The following ST8SIA1 variants were observed in gnomAD, a reference collection of about 807,000 sequenced individuals.
The protein encoded by ST8SIA1 is ST8 alpha-N-acetyl-neuraminide alpha-2,8-sialyltransferase 1.
Under a neutral mutation model 35.9 loss-of-function variants are expected in ST8SIA1, and 16 were observed. That is an observed-to-expected ratio of 0.45 (90% CI 0.30 to 0.68). ST8SIA1 has a LOEUF of 0.68. Ranked by LOEUF, ST8SIA1 falls within the 30% of genes least tolerant of loss-of-function variation. ST8SIA1 has a pLI of 0.09. For synonymous variants in ST8SIA1, 170 were observed against 169.6 expected (o/e 1.00, Z -0.02); for missense variants, 383 against 453.6 (o/e 0.84, Z 1.41).
chr12:22,200,414 G>A lies in ST8SIA1; in HGVS notation c.*1138C>T, dbSNP rs1047697078. 5 of 152,164 alleles carry A rather than the reference G, an allele frequency of 3.3e-5. No individual in the cohort carries two copies. Among genetic ancestry groups the A allele is most frequent in the African/African-American group, 1.2e-4 (5 of 41,446 alleles). The allele number at this position is 152,164 out of a possible 1,614,324, so 9.4% of individuals were successfully genotyped here. A position where few individuals can be genotyped will look rare whatever the true frequency, so the allele number is the denominator to read the frequency against. ...TTTGTTTAACTTTGTGTGTGTGTAT[G>A]TGTGTCTACATGTATGCATACATGT... On this transcript the variant is annotated 3_prime_UTR_variant, in exon 5 of 5. Transcript: ENST00000396037.
chr12:22,260,505 T>C (rs1865777372), intron 2 of ST8SIA1, among the ~76,000 whole-genome samples: 1 of 152,182 alleles, frequency 6.6e-6, no homozygotes, highest in South Asian at 2.1e-4. Context: ...CTACGGATCT[T>C]TGTCCAGAGT....
intron 1 of ST8SIA1, among the ~76,000 whole-genome samples, chr12:22,289,907 C>T (rs1214199923): frequency 6.6e-6 from 1 of 152,218 alleles, no homozygotes; most frequent in African/African-American, 2.4e-5. Flanking sequence ...GACAGTGAAA[C>T]TGACGCTGAG....
At chr12:22,315,013 T>G (rs1282696783) in intron 1 of ST8SIA1, among the ~76,000 whole-genome samples, 1 of 152,136 alleles carries the variant, frequency 6.6e-6, no homozygotes, top group Middle Eastern at 3.2e-3. Context: ...GCATGACTGT[T>G]TCTCTGCCAA....
chr12:22,248,672 C>T (rs553142024), intron 4 of ST8SIA1, among the ~76,000 whole-genome samples: 1 of 152,114 alleles, frequency 6.6e-6, no homozygotes, highest in Non-Finnish European at 1.5e-5. Context: ...TTCACAGTTG[C>T]CAATCAATAA....
At chr12:22,328,512 G>C (rs765552091) in intron 1 of ST8SIA1, among the ~76,000 whole-genome samples, 2 of 152,076 alleles carry the variant, frequency 1.3e-5, no homozygotes, top group Non-Finnish European at 2.9e-5. Flanking sequence ...TTTATTTTCT[G>C]TCTCTCATCA....
At chr12:22,253,769 T>A (rs777094918) in intron 3 of ST8SIA1, among the ~76,000 whole-genome samples, 1 of 152,130 alleles carries the variant, frequency 6.6e-6, no homozygotes, top group Non-Finnish European at 1.5e-5. Flanking sequence ...GGAAAAACTA[T>A]GCTGAGGGTA....
chr12:22,317,902 C>A (rs1359442129), intron 1 of ST8SIA1, among the ~76,000 whole-genome samples: 1 of 152,136 alleles, frequency 6.6e-6, no homozygotes, highest in East Asian at 1.9e-4. Flanking sequence ...GTAGACACAG[C>A]TGTAAAAATT....
intron 1 of ST8SIA1, among the ~76,000 whole-genome samples, chr12:22,294,435 A>C (rs981013546): frequency 9.9e-5 from 15 of 152,210 alleles, no homozygotes; most frequent in African/African-American, 3.6e-4. Flanking sequence ...AATTGTATGA[A>C]GGAGAAGTAC....
intron 1 of ST8SIA1, among the ~76,000 whole-genome samples, chr12:22,291,351 G>GAT (rs1866173860): frequency 6.6e-6 from 1 of 152,184 alleles, no homozygotes; most frequent in South Asian, 2.1e-4. Flanking sequence ...TCCAATGACT[G>GAT]ATACTTTTGT....
At chr12:22,248,120 T>C (rs563376153) in intron 4 of ST8SIA1, among the ~76,000 whole-genome samples, 2 of 152,328 alleles carry the variant, frequency 1.3e-5, no homozygotes, top group Non-Finnish European at 2.9e-5. Context: ...ATTGCATTTC[T>C]AGATATCTAT....
rs180925006 is a variant in ST8SIA1 at position 22,215,130 on chromosome 12, T to C, written c.585-13092A>G. Among the ~76,000 whole-genome samples the C allele has an allele frequency of 4.5e-4, 69 of 152,276 alleles. 1 individual carries two copies. Among genetic ancestry groups the C allele is most frequent in the Middle Eastern group, 6.8e-3 (2 of 294 alleles). The stretch of plus-strand genomic sequence containing the variant: ...CACATCATTGGCCCCTTCCTCCATA[T>C]AGACTCTTTTCCAAGTCTCCCCCAA... On this transcript the variant is annotated intron_variant, in intron 4 of 4. Coordinates refer to ENST00000396037, the MANE Select transcript of ST8SIA1 (RefSeq NM_003034.4).
At chr12:22,231,097 T>C (rs1010873429) in intron 4 of ST8SIA1, among the ~76,000 whole-genome samples, 1 of 148,678 alleles carries the variant, frequency 6.7e-6, no homozygotes, top group Non-Finnish European at 1.5e-5. Context: ...TATATAATTA[T>C]ATACTTTATA....
At chr12:22,268,988 A>AT (rs898372312) in intron 2 of ST8SIA1, among the ~76,000 whole-genome samples, 10 of 151,726 alleles carry the variant, frequency 6.6e-5, no homozygotes, top group South Asian at 2.1e-4. Context: ...AGTTCAAATG[A>AT]TTTTTTTTTA....
intron 4 of ST8SIA1, among the ~76,000 whole-genome samples, chr12:22,231,750 T>G (rs937110230): frequency 6.6e-6 from 1 of 152,006 alleles, no homozygotes; most frequent in Non-Finnish European, 1.5e-5. Context: ...ATTTTTTGTA[T>G]TTTTAGTAGA....
intron 1 of ST8SIA1, 56 bp from the exon 2 acceptor site, chr12:22,287,349 T>G: frequency 3.9e-6 from 6 of 1,553,922 alleles, no homozygotes; most frequent in East Asian, 2.2e-5. Context: ...AGGAGCAGAT[T>G]CATTCACTTG....
intron 1 of ST8SIA1, among the ~76,000 whole-genome samples, chr12:22,291,617 A>G (rs1048019229): frequency 2.0e-5 from 3 of 152,358 alleles, no homozygotes; most frequent in South Asian, 4.1e-4. Flanking sequence ...CAGCACAAAC[A>G]GGGAGTGTCA....
intron 3 of ST8SIA1, among the ~76,000 whole-genome samples, chr12:22,249,428 T>A (rs191583831): frequency 1.3e-5 from 2 of 152,150 alleles, no homozygotes; most frequent in South Asian, 4.1e-4. Context: ...CACCGTGTTA[T>A]CCAGGACGGT....
intron 2 of ST8SIA1, among the ~76,000 whole-genome samples, chr12:22,275,671 T>A (rs1865961055): frequency 6.6e-6 from 1 of 152,134 alleles, no homozygotes; most frequent in South Asian, 2.1e-4. Context: ...CTCTAAGGGA[T>A]TTGAATTTTA....
intron 2 of ST8SIA1, among the ~76,000 whole-genome samples, chr12:22,262,635 G>T (rs1295290751): frequency 1.3e-5 from 2 of 152,206 alleles, no homozygotes; most frequent in Non-Finnish European, 2.9e-5. Context: ...AGGGCAAAAA[G>T]TAGGAAGTGC....
Sources: gnomAD v4.1 joint callset for allele counts (sites outside exome capture counted in the v4.1 genomes callset) on GRCh38, gnomAD v4.1.1 for gene constraint, MANE v1.5 for transcripts, NCBI Gene and HGNC (gene_info 2026-07-23, HGNC 2026-07-21) for gene names.